Variants in MIER2 observed in about 807,000 individuals in gnomAD.
The protein encoded by MIER2 is mesoderm induction early response protein 2.
In MIER2, 30 loss-of-function variants were observed where a neutral mutation model predicts 67.6. That is an observed-to-expected ratio of 0.44 (90% CI 0.33 to 0.60). MIER2 has a LOEUF of 0.60. MIER2 is among the 20% of genes least tolerant of loss of function. The pLI is 0.02. For missense variants in MIER2, 702 were observed against 745.1 expected (o/e 0.94, Z 0.67); for synonymous variants, 372 against 312.6 (o/e 1.19, Z -2.00).
chr19:331,360 GAAA>G (rs917485905), intron 3 of MIER2, among the ~76,000 whole-genome samples: 4 of 117,958 alleles, frequency 3.4e-5, no homozygotes, highest in African/African-American at 1.3e-4. Context: ...TCTGTCCCCA[GAAA>G]AAAAAAAAAA....
At position 343,379 on chromosome 19, in the gene MIER2, C is replaced by T. The variant is rs116148137; in HGVS notation, c.9+1395G>A. 3.8e-3 allele frequency among the ~76,000 whole-genome samples: 580 copies of T among 152,330 alleles called. 6 individuals are homozygous for T. Among genetic ancestry groups the T allele is most frequent in the African/African-American group, 0.013 (542 of 41,566 alleles). On this transcript the variant is annotated intron_variant, in intron 1 of 13. Coordinates refer to ENST00000264819, the MANE Select transcript of MIER2 (RefSeq NM_017550.3). ...CACTGGGAGACGCGGCTTCTGCCTC[C>T]GACCCTGGAGGACAGCCACCATCTG...
chr19:336,931 C>T (rs925088897), intron 1 of MIER2, among the ~76,000 whole-genome samples: 8 of 152,032 alleles, frequency 5.3e-5, no homozygotes, highest in Admixed American at 3.3e-4. Flanking sequence ...CAACCTCTGC[C>T]ACCCAGGTTC....
chr19:336,550 T>C lies in MIER2; in HGVS notation c.10-377A>G, dbSNP rs190757637. Among the ~76,000 whole-genome samples, 122 of 152,264 alleles carry C rather than the reference T, an allele frequency of 8.0e-4. 1 individual carries two copies. The highest frequency in any genetic ancestry group is 1.5e-3 in the Non-Finnish European group (99 of 68,020). ...CCAACGGCCACAGCGTAGGGTCCAC[T>C]GATACCAAACATCCAGAACAGGCCA... is the stretch of plus-strand genomic sequence containing the variant. On this transcript the variant is annotated intron_variant, in intron 1 of 13. Transcript: ENST00000264819.
chr19:315,587 A>G (rs1238269941), intron 7 of MIER2, among the ~76,000 whole-genome samples: 1 of 152,266 alleles, frequency 6.6e-6, no homozygotes, highest in East Asian at 1.9e-4. Flanking sequence ...CCCACTGAAC[A>G]GCTTTTTTAC....
intron 7 of MIER2, among the ~76,000 whole-genome samples, chr19:323,364 C>A (rs1403276855): frequency 1.4e-5 from 2 of 140,992 alleles, no homozygotes; most frequent in African/African-American, 5.2e-5. Flanking sequence ...CATCACAATG[C>A]AGTAAAGACA....
chr19:332,627 G>T (rs917878784), intron 3 of MIER2, among the ~76,000 whole-genome samples: 1 of 120,546 alleles, frequency 8.3e-6, no homozygotes, highest in Admixed American at 9.0e-5. Context: ...GTACAGACAG[G>T]GTTTCACTAC....
chr19:317,868 T>A (rs549934408), intron 7 of MIER2, among the ~76,000 whole-genome samples: 17 of 152,152 alleles, frequency 1.1e-4, no homozygotes, highest in Admixed American at 8.5e-4. Context: ...GTACATGGAC[T>A]AAAAAGTCTA....
At chr19:339,676 G>A (rs1315186619) in intron 1 of MIER2, among the ~76,000 whole-genome samples, 2 of 152,222 alleles carry the variant, frequency 1.3e-5, no homozygotes, top group South Asian at 2.1e-4. Flanking sequence ...CCACATGGAC[G>A]CACCTCGAAA....
chr19:329,204 T>G (rs567640968), intron 3 of MIER2, among the ~76,000 whole-genome samples: 1 of 152,098 alleles, frequency 6.6e-6, no homozygotes, highest in South Asian at 2.1e-4. Flanking sequence ...CAAGTCCACA[T>G]AGAAACCTCC....
At chr19:329,053 C>A (rs1239504642) in intron 3 of MIER2, among the ~76,000 whole-genome samples, 2 of 152,182 alleles carry the variant, frequency 1.3e-5, no homozygotes, top group African/African-American at 2.4e-5. Context: ...AGAGGCTAGT[C>A]CTGTCTGCTC....
chr19:326,835 GAAAGC>G (rs1374083117), intron 5 of MIER2: 7 of 587,994 alleles, frequency 1.2e-5, no homozygotes, highest in Non-Finnish European at 2.1e-5. Context: ...CAGTTCCCAG[GAAAGC>G]CAGCACAGAG....
intron 1 of MIER2, 171 bp from the exon 2 acceptor site, chr19:336,344 G>A: frequency 1.6e-6 from 1 of 613,126 alleles, no homozygotes; most frequent in East Asian, 2.8e-5. Context: ...GCACACGCAT[G>A]TGGCCGCCAC....
chr19:343,951 G>A (rs1049007045), intron 1 of MIER2: 2 of 985,282 alleles, frequency 2.0e-6, no homozygotes, highest in Non-Finnish European at 2.4e-6. Flanking sequence ...GCTATCTGTT[G>A]TCTTATCCTA....
chr19:343,419 C>A (rs1173611543), intron 1 of MIER2, among the ~76,000 whole-genome samples: 2 of 152,244 alleles, frequency 1.3e-5, no homozygotes, highest in African/African-American at 2.4e-5. Context: ...GGGACTCAGT[C>A]TCCCTAAGCG....
intron 3 of MIER2, among the ~76,000 whole-genome samples, chr19:329,866 CAAAAAAAAAAAA>C (rs36067469): frequency 1.1e-5 from 1 of 94,800 alleles, no homozygotes; most frequent in Non-Finnish European, 2.1e-5. Flanking sequence ...TACTCCGTCT[CAAAAAAAAAAAA>C]AAAAAAAAAG....
rs1283438224 is a variant in MIER2, at chr19:318,918, G to A, written c.656-5275C>T. On this transcript the variant is annotated intron_variant, in intron 7 of 13. Transcript: ENST00000264819. The stretch of plus-strand genomic sequence containing the variant: ...AAAAAATACAAAAAACTAGCCGGGC[G>A]TGGTGGTGGGCGCCTATAGTCCCAG... Among the ~76,000 whole-genome samples the A allele has an allele frequency of 6.6e-5, 10 of 151,986 alleles. No individual in the cohort carries two copies. In the East Asian group the frequency reaches 7.7e-4, roughly 12 times the overall value.
intron 8 of MIER2, among the ~76,000 whole-genome samples, chr19:313,125 G>A (rs1471166353): frequency 1.0e-3 from 127 of 125,626 alleles, no homozygotes; most frequent in Non-Finnish European, 1.3e-3. Context: ...ATCAGGGGCC[G>A]TCCACACCAC....
intron 7 of MIER2, among the ~76,000 whole-genome samples, chr19:318,988 C>T (rs112759227): frequency 0.018 from 2,689 of 147,022 alleles, 34 homozygotes; most frequent in Non-Finnish European, 0.031. Context: ...ACCCAGGAGG[C>T]GGAGCTTGCA....
chr19:307,781 C>A (rs1042471028), intron 12 of MIER2, among the ~76,000 whole-genome samples: 1 of 108,210 alleles, frequency 9.2e-6, no homozygotes, highest in African/African-American at 5.7e-5. Flanking sequence ...TTAAAAAGAG[C>A]AGAATACAAT....
Sources: allele counts gnomAD v4.1 joint callset (sites outside exome capture counted in the v4.1 genomes callset), GRCh38; gene constraint gnomAD v4.1.1; transcripts MANE v1.5; gene names NCBI Gene and HGNC (gene_info 2026-07-23, HGNC 2026-07-21).